The following DNAH10 variants were observed in gnomAD, a reference collection of about 807,000 sequenced individuals.
DNAH10 encodes dynein axonemal heavy chain 10, also known as axonemal beta dynein heavy chain 10.
A neutral mutation model predicts 506.6 loss-of-function variants in DNAH10; 348 were observed. That is an observed-to-expected ratio of 0.69 (90% confidence interval 0.63 to 0.75). The LOEUF is 0.75. Ranked by LOEUF, DNAH10 falls within the 30% of genes least tolerant of loss-of-function variation. The pLI is 0.00. For synonymous variants in DNAH10, 2,059 were observed against 2,198.6 expected, an observed-to-expected ratio of 0.94 and a Z score of 1.78; for missense variants, 5,179 against 5,787.1, an observed-to-expected ratio of 0.89 and a Z score of 3.41.
intron 69 of DNAH10, chr12:123,927,480 T>C (rs1464603108): frequency 6.5e-6 from 1 of 154,116 alleles, no homozygotes. Context: ...GGAGAGAGGC[T>C]GAGCCCAGGA....
rs1255622432 is a variant in DNAH10, at chr12:123,931,476, AACTCT to A, written c.12916+9_12916+13del. 3.7e-6 allele frequency: 6 copies of A among 1,613,346 alleles called. No individual in the cohort carries two copies. Among genetic ancestry groups the A allele is most frequent in the Non-Finnish European group, 4.2e-6 (5 of 1,179,564 alleles). ...CTGGAGCTGCAGCCTCAGACAGGTA[AACTCT>A]ACTCAGGAGGACTTCATTAGTTTGA... is the stretch of plus-strand genomic sequence containing the variant. On this transcript the variant is annotated splice_donor_5th_base_variant and intron_variant, in intron 74 of 78. Coordinates refer to ENST00000673944, the MANE Select transcript of DNAH10 (RefSeq NM_001372106.1).
rs74520281 is a variant in DNAH10, at chr12:123,777,232, A to G, written c.621+2968A>G. ...ATCATCAGCACAGAGATGGTGTAAAACCAAGGGACTGGGTGGAACAACCAA... is the reference window on the plus strand; with the variant it reads ...ATCATCAGCACAGAGATGGTGTAAAGCCAAGGGACTGGGTGGAACAACCAA... On this transcript the variant is annotated intron_variant, in intron 5 of 78. Transcript: ENST00000673944. Among the ~76,000 whole-genome samples the G allele has an allele frequency of 4.0e-3, 609 of 152,310 alleles. 10 individuals are homozygous for G. Among genetic ancestry groups the G allele is most frequent in the African/African-American group, 0.014 (573 of 41,574 alleles).
chr12:123,909,181 C>G lies in DNAH10; in HGVS notation c.9816-80C>G. The stretch of plus-strand genomic sequence containing the variant: ...CCAGGGACTGTCTTTTGGTTGAGCT[C>G]GTTTTTCTGGAGCTCTCTTTCAGGC... On this transcript the variant is annotated intron_variant, in intron 57 of 78. Transcript: ENST00000673944. This position sits in a 1 kb window ranked among gnomAD's most constrained non-coding sequence, Gnocchi z 5.4. The G allele has an allele frequency of 1.3e-5, 20 of 1,540,178 alleles. No homozygotes were observed. The highest frequency in any genetic ancestry group is 2.0e-5 in the Admixed American group (1 of 50,918).
At position 123,846,969 on chromosome 12, in the gene DNAH10, C is replaced by G. The variant is rs1194519597; in HGVS notation, c.5814+815C>G. ...CTCCTGTGCTGTGAGTGATAAAGTC[C>G]TTTGTTTTTGAGAAAAAGAGTGTCA... On this transcript the variant is annotated intron_variant, in intron 32 of 78. Coordinates refer to ENST00000673944, the MANE Select transcript of DNAH10 (RefSeq NM_001372106.1). The surrounding 1 kb of genome is among the most constrained non-coding windows in gnomAD (Gnocchi z 4.5). Among the ~76,000 whole-genome samples the G allele has an allele frequency of 6.6e-6, 1 of 152,110 alleles. No homozygotes were observed. The highest frequency in any genetic ancestry group is 2.4e-5 in the African/African-American group (1 of 41,410).
At chr12:123,935,283 T>C in intron 78 of DNAH10, 52 bp from the exon 79 acceptor site, 5 of 1,580,106 alleles carry the variant, frequency 3.2e-6, no homozygotes, top group Non-Finnish European at 4.3e-6. Flanking sequence ...TCTGCCTTTA[T>C]CCCTCTGCAC....
intron 48 of DNAH10, among the ~76,000 whole-genome samples, chr12:123,878,111 C>A (rs1484459142): frequency 6.6e-6 from 1 of 152,258 alleles, no homozygotes; most frequent in East Asian, 1.9e-4. Flanking sequence ...ACAGGCAAAA[C>A]CAAGAGAAGC....
intron 24 of DNAH10, among the ~76,000 whole-genome samples, chr12:123,824,212 G>A (rs1959723298): frequency 6.6e-6 from 1 of 152,144 alleles, no homozygotes; most frequent in Non-Finnish European, 1.5e-5. Flanking sequence ...GGATGTAAGA[G>A]CAAGAGAACA....
intron 71 of DNAH10, 40 bp from the exon 72 acceptor site, chr12:123,929,624 G>A: frequency 1.3e-6 from 2 of 1,594,084 alleles, no homozygotes; most frequent in East Asian, 4.5e-5. Flanking sequence ...GAACAGCTTG[G>A]TGGGTTTCAG....
At chr12:123,821,068 G>A (rs1267432216) in intron 24 of DNAH10, among the ~76,000 whole-genome samples, 1 of 152,120 alleles carries the variant, frequency 6.6e-6, no homozygotes, top group East Asian at 1.9e-4. Flanking sequence ...TGGCCAACGT[G>A]GTGAAACCCT....
intron 50 of DNAH10, among the ~76,000 whole-genome samples, chr12:123,880,227 A>G (rs923104713): frequency 6.6e-6 from 1 of 152,192 alleles, no homozygotes; most frequent in Non-Finnish European, 1.5e-5. Context: ...AAGCAGTTTA[A>G]TTATTTTAAC....
At chr12:123,906,304 C>T (rs542261104) in intron 57 of DNAH10, among the ~76,000 whole-genome samples, 29 of 151,932 alleles carry the variant, frequency 1.9e-4, no homozygotes, top group African/African-American at 4.8e-4. Context: ...TGCAGTGGCG[C>T]GATCTCGGCT....
intron 76 of DNAH10, chr12:123,932,693 C>T (rs1380739720): frequency 6.5e-6 from 1 of 152,790 alleles, no homozygotes; most frequent in African/African-American, 2.4e-5. Flanking sequence ...CGCTGCAATG[C>T]TGCGTTCTTA....
chr12:123,880,500 CA>C (rs1952457919), intron 50 of DNAH10, among the ~76,000 whole-genome samples: 1 of 151,740 alleles, frequency 6.6e-6, no homozygotes, highest in African/African-American at 2.4e-5. Flanking sequence ...TCACCGTGCC[CA>C]GCTGATTTTT....
intron 57 of DNAH10, chr12:123,908,367 C>T: frequency 2.2e-6 from 1 of 456,170 alleles, no homozygotes; most frequent in Non-Finnish European, 4.4e-6. Context: ...ATGCCTGGGC[C>T]CCTGCCTGGC....
intron 65 of DNAH10, chr12:123,923,265 C>T (rs1467388488): frequency 6.6e-6 from 1 of 152,512 alleles, no homozygotes; most frequent in Non-Finnish European, 1.5e-5. Context: ...CATTTGTATA[C>T]ATATTGTCTA....
At position 123,859,269 on chromosome 12, in the gene DNAH10, G is replaced by A. The variant is rs1306930592; in HGVS notation, c.6749+1G>A. 3.8e-6 allele frequency: 6 copies of A among 1,597,344 alleles called. No individual in the cohort carries two copies. Among genetic ancestry groups the A allele is most frequent in the Non-Finnish European group, 5.1e-6 (6 of 1,173,580 alleles). Reference sequence around the variant, plus strand: ...ACACTCTGTGTCAGGCCCAGACCAAGTGAGTATGACCTCCGTAGGGAGGGC... The same window carrying A: ...ACACTCTGTGTCAGGCCCAGACCAAATGAGTATGACCTCCGTAGGGAGGGC... On this transcript the variant is annotated splice_donor_variant, in intron 38 of 78. Coordinates refer to ENST00000673944, the MANE Select transcript of DNAH10 (RefSeq NM_001372106.1). LOFTEE classifies it high-confidence loss of function.
At position 123,919,448 on chromosome 12, in the gene DNAH10, A is replaced by G. The variant is rs1407228133; in HGVS notation, c.11506+499A>G. 1.3e-5 allele frequency among the ~76,000 whole-genome samples: 2 copies of G among 152,216 alleles called. No individual in the cohort carries two copies. Among genetic ancestry groups the G allele is most frequent in the Non-Finnish European group, 2.9e-5 (2 of 68,046 alleles). ...TTAAAGCACTGAATTTTAAGATAGC[A>G]GCTTTATTGAGACACAATTTACATA... is the stretch of plus-strand genomic sequence containing the variant. On this transcript the variant is annotated intron_variant, in intron 65 of 78. Transcript: ENST00000673944. This position sits in a 1 kb window ranked among gnomAD's most constrained non-coding sequence, Gnocchi z 4.9.
At chr12:123,818,092 G>A (rs528028199) in intron 21 of DNAH10, among the ~76,000 whole-genome samples, 3 of 151,792 alleles carry the variant, frequency 2.0e-5, no homozygotes, top group African/African-American at 4.8e-5. Flanking sequence ...GCAATTATAG[G>A]CATGCGCCAC....
intron 24 of DNAH10, among the ~76,000 whole-genome samples, chr12:123,823,343 CT>C (rs961555660): frequency 6.6e-6 from 1 of 152,158 alleles, no homozygotes; most frequent in African/African-American, 2.4e-5. Context: ...TGAGAAGGGA[CT>C]CCGGAGGCAG....
Sources: gnomAD v4.1 joint callset for allele counts (sites outside exome capture counted in the v4.1 genomes callset) on GRCh38, gnomAD v4.1.1 for gene constraint, Gnocchi (gnomAD v3.1) non-coding constraint, MANE v1.5 for transcripts, NCBI Gene and HGNC (gene_info 2026-07-23, HGNC 2026-07-21) for gene names.